ANKRD26: variants seen among roughly 807,000 people sequenced by gnomAD.
ANKRD26 encodes ankyrin repeat domain 26, also known as ankyrin repeat domain-containing protein 26.
A neutral mutation model predicts 208.7 loss-of-function variants in ANKRD26; 141 were observed. That is an observed-to-expected ratio of 0.68 (90% CI 0.59 to 0.78). The LOEUF is 0.78. ANKRD26 is among the 30% of genes least tolerant of loss of function. The pLI is 0.00. For missense variants in ANKRD26, 1,889 were observed against 1,938.7 expected (o/e 0.97, Z 0.48); for synonymous variants, 636 against 660.4 (o/e 0.96, Z 0.57).
chr10:27,035,837 C>T lies in ANKRD26; in HGVS notation c.2698-85G>A, dbSNP rs972492490. The T allele has an allele frequency of 8.9e-6, 9 of 1,007,834 alleles. No individual in the cohort carries two copies. In the East Asian group the frequency reaches 1.5e-4, roughly 17 times the overall value. The allele number at this position is 1,007,834 out of a possible 1,614,324, so 62.4% of individuals were successfully genotyped here. On this transcript the variant is annotated intron_variant, in intron 23 of 33. Coordinates refer to ENST00000376087, the MANE Select transcript of ANKRD26 (RefSeq NM_014915.3). Reference sequence around the variant, plus strand: ...CTCTGAAATTAAAGAATAAACTGTACATTTTACAATAAAGGGTTGCAATAA... The same window carrying T: ...CTCTGAAATTAAAGAATAAACTGTATATTTTACAATAAAGGGTTGCAATAA...
At chr10:27,030,961 T>G (rs978116370) in intron 25 of ANKRD26, among the ~76,000 whole-genome samples, 1 of 152,112 alleles carries the variant, frequency 6.6e-6, no homozygotes, top group Non-Finnish European at 1.5e-5. Flanking sequence ...TTCTCTCTTA[T>G]GAAAAAAAAT....
At chr10:27,008,463 A>G (rs2052970629) in intron 32 of ANKRD26, among the ~76,000 whole-genome samples, 1 of 152,198 alleles carries the variant, frequency 6.6e-6, no homozygotes, top group Admixed American at 6.5e-5. Context: ...ATTAATAAAC[A>G]TGACGTAAAA....
exon 6 of ANKRD26, among the ~76,000 whole-genome samples, chr10:26,974,700 T>C (rs1293387178): frequency 6.6e-6 from 1 of 152,226 alleles, no homozygotes; most frequent in African/African-American, 2.4e-5. Context: ...TTTAGTCCCT[T>C]GGTAATAAAT....
At chr10:27,004,003 C>T (rs188401767), downstream of ANKRD26, 2 of 152,028 alleles carry the variant, frequency 1.3e-5, no homozygotes, top group East Asian at 3.9e-4. Context: ...AACATTGAAC[C>T]AGTGTTAATA....
intron 4 of ANKRD26, among the ~76,000 whole-genome samples, chr10:26,996,836 G>A (rs751937364): frequency 2.6e-5 from 4 of 152,154 alleles, no homozygotes; most frequent in Non-Finnish European, 4.4e-5. Flanking sequence ...AGGCTAAAGG[G>A]AGGTTTACGG....
intron 20 of ANKRD26, 109 bp downstream of exon 20, chr10:27,043,317 C>A: frequency 8.2e-7 from 1 of 1,223,266 alleles, no homozygotes; most frequent in South Asian, 1.3e-5. Flanking sequence ...AGCATCATAG[C>A]CACCAATGAA....
chr10:27,057,454 A>C (rs1023443851), intron 15 of ANKRD26, among the ~76,000 whole-genome samples: 1 of 152,074 alleles, frequency 6.6e-6, no homozygotes, highest in Non-Finnish European at 1.5e-5. Context: ...TTTATGTCTA[A>C]CCATTTTAGG....
In ANKRD26 at chr10:27,062,345, G is replaced by A. The variant is rs574487762; in HGVS notation, c.1364-1103C>T. ...ATGCCTTGAATTATTGTCCAATGAC[G>A]CTTCTTTCAGATTTCTCAAAAAGGA... On this transcript the variant is annotated intron_variant, in intron 12 of 33. Transcript: ENST00000376087. 1.7e-5 allele frequency: 9 copies of A among 517,212 alleles called. No homozygotes were observed. The East Asian group carries it at 4.5e-4, about 26-fold the overall frequency. The allele number at this position is 517,212 out of a possible 1,614,324, so 32.0% of individuals were successfully genotyped here. A position where few individuals can be genotyped will look rare whatever the true frequency, so the allele number is the denominator to read the frequency against.
chr10:27,041,292 A>G (rs2054231714), intron 20 of ANKRD26, among the ~76,000 whole-genome samples: 1 of 152,114 alleles, frequency 6.6e-6, no homozygotes, highest in African/African-American at 2.4e-5. Context: ...TTGGGTATTG[A>G]GCAAAGTAAT....
At chr10:27,067,011 T>G (rs969586347) in intron 10 of ANKRD26, 146 bp downstream of exon 10, 5 of 789,064 alleles carry the variant, frequency 6.3e-6, no homozygotes, top group Non-Finnish European at 1.0e-5. Flanking sequence ...TTCATCATGT[T>G]GGCTAGGCTG....
intron 9 of ANKRD26, among the ~76,000 whole-genome samples, chr10:27,069,225 A>G (rs535503391): frequency 2.7e-5 from 4 of 146,510 alleles, no homozygotes; most frequent in South Asian, 2.2e-4. Flanking sequence ...AAAAAAAAGG[A>G]TATGAGAAAT....
chr10:27,098,779 G>C (rs1195884910), intron 1 of ANKRD26, among the ~76,000 whole-genome samples: 1 of 152,094 alleles, frequency 6.6e-6, no homozygotes, highest in African/African-American at 2.4e-5. Flanking sequence ...TCGATCTCCT[G>C]ACCTCGTGAT....
chr10:27,000,482 AT>A (rs1437908518), downstream of ANKRD26, among the ~76,000 whole-genome samples: 1 of 152,192 alleles, frequency 6.6e-6, no homozygotes, highest in Non-Finnish European at 1.5e-5. Context: ...TATTACAGAT[AT>A]TTTTTGTGTG....
exon 6 of ANKRD26, among the ~76,000 whole-genome samples, chr10:26,974,424 T>C (rs2134598424): frequency 6.6e-6 from 1 of 151,698 alleles, no homozygotes; most frequent in African/African-American, 2.4e-5. Flanking sequence ...CACTGCAAGC[T>C]CTGCCTCCCG....
chr10:26,951,611 CTTTGT>C, the ANKRD26 span, among the ~76,000 whole-genome samples: 1 of 133,846 alleles, frequency 7.5e-6, no homozygotes, highest in African/African-American at 2.8e-5. Context: ...GATTGTTTGA[CTTTGT>C]TTTAAAATTT....
At chr10:27,057,194 G>A (rs1318508283) in intron 15 of ANKRD26, among the ~76,000 whole-genome samples, 2 of 152,170 alleles carry the variant, frequency 1.3e-5, no homozygotes. Flanking sequence ...GAAGTCCCAT[G>A]TCAACCTCTA....
chr10:27,029,436 C>A, intron 25 of ANKRD26, 80 bp from the exon 26 acceptor site: 1 of 1,345,422 alleles, frequency 7.4e-7, no homozygotes, highest in South Asian at 1.2e-5. Context: ...GTAACTAAAC[C>A]TTATCGGAAC....
At position 27,093,338 on chromosome 10, in the gene ANKRD26, T is replaced by C; in HGVS notation, c.531+11A>G. 1.9e-6 allele frequency: 3 copies of C among 1,611,954 alleles called. No homozygotes were observed. The highest frequency in any genetic ancestry group is 2.5e-6 in the Non-Finnish European group (3 of 1,178,706). ...TCAAATACTGTAAAAATAAAGTTGG[T>C]TGATCTATACCTTGTTTTTTGCTTC... On this transcript the variant is annotated intron_variant, in intron 3 of 33. Transcript: ENST00000376087.
chr10:27,015,951 T>C (rs894323335), intron 30 of ANKRD26, among the ~76,000 whole-genome samples: 2 of 152,174 alleles, frequency 1.3e-5, no homozygotes, highest in East Asian at 3.9e-4. Context: ...CACACTCATA[T>C]ACCCATGTGG....
Sources: gnomAD v4.1 joint callset for allele counts (sites outside exome capture counted in the v4.1 genomes callset) on GRCh38, gnomAD v4.1.1 for gene constraint, MANE v1.5 for transcripts, NCBI Gene and HGNC (gene_info 2026-07-23, HGNC 2026-07-21) for gene names.